Variants in LIFR observed in about 807,000 individuals in gnomAD.
LIFR encodes the protein leukemia inhibitory factor receptor.
A neutral mutation model predicts 122.2 loss-of-function variants in LIFR; 84 were observed. That is an observed-to-expected ratio of 0.69 (90% CI 0.58 to 0.82). The LOEUF is 0.82. Among genes scored for constraint, LIFR ranks in the 40% least tolerant of loss-of-function variants. LIFR has a pLI of 0.00. For synonymous variants in LIFR, 422 were observed against 434.7 expected (o/e 0.97, Z 0.36); for missense variants, 1,294 against 1,311.6 (o/e 0.99, Z 0.21).
chr5:38,517,928 GACCCCATCTCTATGAA>G (rs1435484174), intron 5 of LIFR, among the ~76,000 whole-genome samples: 1 of 118,696 alleles, frequency 8.4e-6, no homozygotes, highest in Non-Finnish European at 1.7e-5. Context: ...AAAAAAGTGA[GACCCCATCTCTATGAA>G]AAAAAAAAAA....
At chr5:38,549,819 A>AGAGGAGGGTT (rs1362764119) in intron 1 of LIFR, among the ~76,000 whole-genome samples, 1 of 152,094 alleles carries the variant, frequency 6.6e-6, no homozygotes, top group Non-Finnish European at 1.5e-5. Flanking sequence ...TACAAAAATT[A>AGAGGAGGGTT]TTTTTGCAAA....
At chr5:38,516,496 A>T (rs1421759955) in intron 5 of LIFR, among the ~76,000 whole-genome samples, 1 of 152,214 alleles carries the variant, frequency 6.6e-6, no homozygotes, top group Non-Finnish European at 1.5e-5. Context: ...GCAAATCAAA[A>T]CCACAATGAG....
upstream of LIFR, among the ~76,000 whole-genome samples, chr5:38,597,020 G>A (rs1431751852): frequency 6.6e-6 from 1 of 152,230 alleles, no homozygotes; most frequent in African/African-American, 2.4e-5. Flanking sequence ...TCATCAGCTA[G>A]AGGAAGCCCA....
At chr5:38,510,851 GCTTTGTA>G (rs1745763419) in intron 6 of LIFR, 133 bp from the exon 7 acceptor site, 1 of 692,448 alleles carries the variant, frequency 1.4e-6, no homozygotes, top group African/African-American at 1.8e-5. Context: ...ACTGTTAGGT[GCTTTGTA>G]ATGATAATGG....
intron 1 of LIFR, among the ~76,000 whole-genome samples, chr5:38,563,752 G>C (rs1432474129): frequency 6.6e-6 from 1 of 152,094 alleles, no homozygotes. Flanking sequence ...AGGCAAAGAG[G>C]TTCACTAACT....
At chr5:38,529,690 C>CAACTATAGAATAAAAAAGGT (rs1746894776) in intron 2 of LIFR, among the ~76,000 whole-genome samples, 1 of 151,908 alleles carries the variant, frequency 6.6e-6, no homozygotes. Flanking sequence ...GGGGAAAAGG[C>CAACTATAGAATAAAAAAGGT]AACTATAGAA....
intron 1 of LIFR, among the ~76,000 whole-genome samples, chr5:38,562,154 T>A (rs1463217102): frequency 3.9e-5 from 6 of 152,188 alleles, no homozygotes; most frequent in African/African-American, 1.4e-4. Context: ...TCTGCCCCTC[T>A]CCATATGGTT....
chr5:38,501,746 A>C (rs1164845590), intron 11 of LIFR, among the ~76,000 whole-genome samples: 1 of 152,126 alleles, frequency 6.6e-6, no homozygotes, highest in Admixed American at 6.5e-5. Flanking sequence ...GTCTCAAAAA[A>C]ATAAAAAATT....
Position 38,482,599 on chromosome 5 carries a change from C to G in LIFR, c.2660G>C (p.Ser887Thr). 6.8e-7 allele frequency: 1 copy of G among 1,476,308 alleles called. No homozygotes were observed. The highest frequency in any genetic ancestry group is 9.3e-7 in the Non-Finnish European group (1 of 1,079,258). The allele number at this position is 1,476,308 out of a possible 1,614,324, so 91.5% of individuals were successfully genotyped here. A position where few individuals can be genotyped will look rare whatever the true frequency, so the allele number is the denominator to read the frequency against. ...ENCKALQFQK[S>T]VCEGSSALKT... Reference sequence around the variant, plus strand: ...AAAATAAAAGATTACCTCACAGACACTCTTTTGAAACTGTAATGCTTTACA... The same window carrying G: ...AAAATAAAAGATTACCTCACAGACAGTCTTTTGAAACTGTAATGCTTTACA... Residue 887 changes from serine to threonine, a missense_variant, in exon 19 of 20, where the codon AGT becomes ACT. Coordinates refer to ENST00000453190, the MANE Select transcript of LIFR (RefSeq NM_001127671.2).
chr5:38,546,022 A>T (rs1402120267), intron 1 of LIFR, among the ~76,000 whole-genome samples: 3 of 152,220 alleles, frequency 2.0e-5, no homozygotes, highest in Admixed American at 6.5e-5. Flanking sequence ...TCTTAAAGAT[A>T]TTTAGTTGTT....
chr5:38,601,561 T>G (rs1332187258), intron 2 of LIFR, among the ~76,000 whole-genome samples: 5 of 151,982 alleles, frequency 3.3e-5, no homozygotes, highest in African/African-American at 1.2e-4. Flanking sequence ...GTACTACTTA[T>G]AGGGTCACGA....
At chr5:38,572,006 T>C (rs907689276) in intron 1 of LIFR, among the ~76,000 whole-genome samples, 3 of 152,208 alleles carry the variant, frequency 2.0e-5, no homozygotes, top group Non-Finnish European at 4.4e-5. Flanking sequence ...ATAGGATTGT[T>C]TTTACTATAG....
chr5:38,502,199 T>C (rs1233959591), intron 11 of LIFR, among the ~76,000 whole-genome samples: 1 of 152,126 alleles, frequency 6.6e-6, no homozygotes, highest in Non-Finnish European at 1.5e-5. Flanking sequence ...GATATTTTAT[T>C]AGCAGGTATT....
upstream of LIFR, among the ~76,000 whole-genome samples, chr5:38,597,962 A>G (rs1385305477): frequency 6.6e-6 from 1 of 152,032 alleles, no homozygotes; most frequent in Non-Finnish European, 1.5e-5. Flanking sequence ...TTCAAGTTTC[A>G]TGGGGATTGG....
intron 1 of LIFR, among the ~76,000 whole-genome samples, chr5:38,575,648 G>A (rs1749361542): frequency 6.6e-6 from 1 of 152,156 alleles, no homozygotes; most frequent in Admixed American, 6.5e-5. Context: ...GAGTCCATGG[G>A]CAGCTGTGGT....
At chr5:38,491,490 T>C (rs1036617508) in intron 14 of LIFR, among the ~76,000 whole-genome samples, 6 of 152,156 alleles carry the variant, frequency 3.9e-5, no homozygotes, top group East Asian at 1.9e-4. Context: ...GAAGGGCAAT[T>C]AGATGCTCAT....
intron 3 of LIFR, 67 bp downstream of exon 3, chr5:38,528,659 G>A: frequency 2.2e-6 from 2 of 929,262 alleles, no homozygotes; most frequent in South Asian, 1.4e-5. Context: ...AAGCAATAAG[G>A]TAAGAACTGA....
chr5:38,545,680 G>A (rs1350309723), intron 1 of LIFR, among the ~76,000 whole-genome samples: 2 of 151,942 alleles, frequency 1.3e-5, no homozygotes, highest in African/African-American at 2.4e-5. Flanking sequence ...GGCTAACACA[G>A]TGAAACCCTG....
rs773424045 is a variant in LIFR at position 38,481,718 on chromosome 5, A to C, written c.3171T>G (p.Phe1057Leu). Residue 1057 changes from phenylalanine (F) to leucine (L), a missense_variant, in exon 20 of 20, where the codon TTT (phenylalanine) becomes TTG (leucine). Physicochemically the swap from Phe to Leu is conservative, Grantham distance 22. Coordinates refer to ENST00000453190, the MANE Select transcript of LIFR (RefSeq NM_001127671.2). ...GGGAATTAATGGAGCATGGACTTCC[A>C]AATGAGACAATCTCACTGTTGCTGT... ...SIDSNSEIVS[F>L]GSPCSINSRQ... 2 of 1,614,220 alleles carry C rather than the reference A, an allele frequency of 1.2e-6. No individual in the cohort carries two copies. The highest frequency in any genetic ancestry group is 8.5e-7 in the Non-Finnish European group (1 of 1,180,028).
Sources: gnomAD v4.1 joint callset for allele counts (sites outside exome capture counted in the v4.1 genomes callset) on GRCh38, gnomAD v4.1.1 for gene constraint, MANE v1.5 for transcripts, NCBI Gene and HGNC (gene_info 2026-07-23, HGNC 2026-07-21) for gene names.